MYOM2: variants seen among roughly 807,000 people sequenced by gnomAD.
MYOM2 encodes myomesin-2.
In MYOM2, 254 loss-of-function variants were observed where a neutral mutation model predicts 187.6. That is an observed-to-expected ratio of 1.35 (90% CI 1.22 to 1.50). MYOM2 has a LOEUF of 1.50. Ranked by LOEUF, MYOM2 falls within the 40% of genes most tolerant of loss-of-function variation. The probability of loss-of-function intolerance (pLI) is 0.00; values close to 1 mark genes in which losing one functional copy is unlikely to be tolerated. For missense variants in MYOM2, 2,796 were observed against 1,924.0 expected, an observed-to-expected ratio of 1.45 and a Z score of -8.48; for synonymous variants, 981 against 753.8, an observed-to-expected ratio of 1.30 and a Z score of -4.94.
chr8:2,142,309 T>A, intron 34 of MYOM2, 66 bp from the exon 35 acceptor site: 1 of 1,500,990 alleles, frequency 6.7e-7, no homozygotes, highest in Non-Finnish European at 9.3e-7. Context: ...CAGCTGTGCA[T>A]TTTGTTGGAA....
rs3824186 is a variant in MYOM2 at position 2,081,609 on chromosome 8, T to G, written c.1516+1996T>G. 1.4e-3 allele frequency among the ~76,000 whole-genome samples: 209 copies of G among 152,282 alleles called. 2 individuals are homozygous for G. In the East Asian group the frequency reaches 0.033, roughly 24 times the overall value. On this transcript the variant is annotated intron_variant, in intron 13 of 36. Coordinates refer to ENST00000262113, the MANE Select transcript of MYOM2 (RefSeq NM_003970.4). ...TAAATGTCACTTATCTGTGATGAAA[T>G]TTGCCTTCTGTAAAGGCCATTGAGA...
Position 2,118,084 on chromosome 8 carries a change from A to T in MYOM2, c.3453+132A>T, listed in dbSNP as rs1382880867. 8 of 700,348 alleles carry T rather than the reference A, an allele frequency of 1.1e-5. No homozygotes were observed. The Admixed American group carries it at 1.2e-4, about 11-fold the overall frequency. 43.4% of individuals were successfully genotyped at this position (700,348 alleles called of 1,614,324 possible). On this transcript the variant is annotated intron_variant, in intron 28 of 36. Coordinates refer to ENST00000262113, the MANE Select transcript of MYOM2 (RefSeq NM_003970.4). Reference sequence around the variant, plus strand: ...ACGTGTGGTGCCTGTGTAGCTGCGGATGGGCGGAGTGGCTTTTGGGTCCTG... The same window carrying T: ...ACGTGTGGTGCCTGTGTAGCTGCGGTTGGGCGGAGTGGCTTTTGGGTCCTG...
At chr8:2,138,817 C>T (rs1798172385) in intron 32 of MYOM2, among the ~76,000 whole-genome samples, 1 of 152,172 alleles carries the variant, frequency 6.6e-6, no homozygotes, top group South Asian at 2.1e-4. Context: ...ATCCCAGAGG[C>T]TAAGTCTCAG....
intron 1 of MYOM2, among the ~76,000 whole-genome samples, chr8:2,048,289 C>G (rs555593094): frequency 1.1e-4 from 16 of 152,362 alleles, no homozygotes; most frequent in Admixed American, 2.0e-4. Flanking sequence ...GCTGAAACGT[C>G]TTCCCCAACC....
Position 2,109,916 on chromosome 8 carries a change from C to G in MYOM2, c.3180+385C>G, listed in dbSNP as rs372842307. On this transcript the variant is annotated intron_variant, in intron 25 of 36. Transcript: ENST00000262113. ...AGAGAGGCCTCCCTGCATTCTCCCC[C>G]CACTGACAGCTTCCCATGGAAGGCA... Among the ~76,000 whole-genome samples the G allele has an allele frequency of 1.1e-3, 169 of 152,326 alleles. 5 individuals carry two copies. In the South Asian group the frequency reaches 0.034, roughly 30 times the overall value.
intron 6 of MYOM2, among the ~76,000 whole-genome samples, chr8:2,066,537 A>G (rs1206289579): frequency 1.3e-5 from 2 of 152,180 alleles, no homozygotes; most frequent in South Asian, 2.1e-4. Flanking sequence ...TGAAAACATA[A>G]TGGTTTTATT....
Position 2,100,975 on chromosome 8 carries a change from A to G in MYOM2, c.2540A>G (p.Tyr847Cys). Residue 847 changes from tyrosine (Y) to cysteine (C), a missense_variant, in exon 20 of 37, where the codon TAT becomes TGT. Tyr to Cys is a radical substitution (Grantham distance 194, BLOSUM62 -2). Transcript: ENST00000262113. ...VYSGSSPVSG[Y>C]FVDFREEDAG... The stretch of plus-strand genomic sequence containing the variant: ...TCCGGCAGCAGCCCTGTTTCTGGAT[A>G]TTTCGTGGACTTCAGGGAGGAGGAT... 1 of 1,614,118 alleles carries G rather than the reference A, an allele frequency of 6.2e-7. No homozygotes were observed. The highest frequency in any genetic ancestry group is 8.5e-7 in the Non-Finnish European group (1 of 1,180,020).
At chr8:2,045,398 G>T (rs549834111) in intron 1 of MYOM2, among the ~76,000 whole-genome samples, 1 of 152,318 alleles carries the variant, frequency 6.6e-6, no homozygotes, top group South Asian at 2.1e-4. Flanking sequence ...CACAGCCGTG[G>T]TCTTTGCTAA....
chr8:2,110,630 G>A (rs1797038618), intron 25 of MYOM2, among the ~76,000 whole-genome samples: 1 of 152,100 alleles, frequency 6.6e-6, no homozygotes, highest in Non-Finnish European at 1.5e-5. Flanking sequence ...TGTAGAGTGT[G>A]GTTGGCAACC....
chr8:2,129,087 A>T, intron 31 of MYOM2, 40 bp from the exon 32 acceptor site: 1 of 1,453,894 alleles, frequency 6.9e-7, no homozygotes, highest in South Asian at 1.1e-5. Context: ...CACAGCAGGC[A>T]CTCCTTTTCC....
At chr8:2,079,015 C>A in intron 12 of MYOM2, 82 bp downstream of exon 12, 3 of 1,374,096 alleles carry the variant, frequency 2.2e-6, no homozygotes, top group Non-Finnish European at 3.1e-6. Context: ...CTTTCCCTCC[C>A]AACTCGATGT....
chr8:2,119,959 G>A (rs147778675), intron 28 of MYOM2, among the ~76,000 whole-genome samples: 289 of 152,328 alleles, frequency 1.9e-3, no homozygotes, highest in African/African-American at 6.4e-3. Flanking sequence ...ACTCTTTCCA[G>A]TGAAGGGTTG....
At chr8:2,122,029 G>A (rs572936912) in intron 28 of MYOM2, among the ~76,000 whole-genome samples, 1 of 152,260 alleles carries the variant, frequency 6.6e-6, no homozygotes, top group East Asian at 1.9e-4. Flanking sequence ...ATTTATTTCA[G>A]AAAACAGTAA....
At chr8:2,134,194 T>C (rs1245490459) in intron 32 of MYOM2, among the ~76,000 whole-genome samples, 6 of 152,202 alleles carry the variant, frequency 3.9e-5, no homozygotes, top group Non-Finnish European at 7.3e-5. Flanking sequence ...AGGTCCCATG[T>C]TGTGATTAGG....
intron 3 of MYOM2, among the ~76,000 whole-genome samples, chr8:2,055,128 G>C (rs1818620319): frequency 3.9e-5 from 1 of 25,644 alleles, no homozygotes; most frequent in African/African-American, 8.4e-5. Flanking sequence ...CTGGATACTG[G>C]GGTAACCAAG....
rs1798428502 is a variant in MYOM2, at chr8:2,145,436, CAAAT to C, written c.*459_*462del. 5.2e-6 allele frequency: 1 copy of C among 191,630 alleles called. No individual in the cohort carries two copies. Among genetic ancestry groups the C allele is most frequent in the African/African-American group, 2.4e-5 (1 of 42,256 alleles). The allele number at this position is 191,630 out of a possible 1,614,324, so 11.9% of individuals were successfully genotyped here. A position where few individuals can be genotyped will look rare whatever the true frequency, so the allele number is the denominator to read the frequency against. On this transcript the variant is annotated 3_prime_UTR_variant, in exon 37 of 37. Coordinates refer to ENST00000262113, the MANE Select transcript of MYOM2 (RefSeq NM_003970.4). ...TAAGCTTGTTTTCTCTTGCTTTAGG[CAAAT>C]AAAAGTTTAAAAATCACCTTGTTGT...
At position 2,145,045 on chromosome 8, in the gene MYOM2, G is replaced by C. The variant is rs1210568853; in HGVS notation, c.*64G>C. On this transcript the variant is annotated 3_prime_UTR_variant, in exon 37 of 37. Coordinates refer to ENST00000262113, the MANE Select transcript of MYOM2 (RefSeq NM_003970.4). ...GCAGAGACAGGAATGCTGTGTGCTT[G>C]TTCCAAATGAGCAGCTGGCATCCGA... 1.3e-6 allele frequency: 2 copies of C among 1,554,742 alleles called. No homozygotes were observed. The highest frequency in any genetic ancestry group is 8.8e-7 in the Non-Finnish European group (1 of 1,142,388).
intron 14 of MYOM2, among the ~76,000 whole-genome samples, chr8:2,087,524 G>A (rs1796135051): frequency 6.6e-6 from 1 of 152,188 alleles, no homozygotes; most frequent in South Asian, 2.1e-4. Flanking sequence ...GTCCCTCTGT[G>A]GGGTCTCCTA....
intron 28 of MYOM2, 78 bp downstream of exon 28, chr8:2,118,030 G>C: frequency 7.7e-7 from 1 of 1,304,570 alleles, no homozygotes; most frequent in Non-Finnish European, 1.1e-6. Context: ...GGGAGTAGCT[G>C]TGGCCAGATC....
Sources: allele counts gnomAD v4.1 joint callset (sites outside exome capture counted in the v4.1 genomes callset), GRCh38; gene constraint gnomAD v4.1.1; transcripts MANE v1.5; gene names NCBI Gene and HGNC (gene_info 2026-07-23, HGNC 2026-07-21).